Variants in SLC8A2 observed in about 807,000 individuals in gnomAD.
The protein encoded by SLC8A2 is solute carrier family 8 member A2.
SLC8A2 carries 14 observed loss-of-function variants against 70.2 expected under a neutral mutation model. The ratio of observed to expected loss-of-function variants is 0.20; its 90% CI spans 0.13 to 0.31. The LOEUF is 0.31. Ranked by LOEUF, SLC8A2 falls within the 10% of genes least tolerant of loss-of-function variation. SLC8A2 has a pLI of 1.00. For synonymous variants in SLC8A2, 575 were observed against 594.3 expected (o/e 0.97, Z 0.47); for missense variants, 779 against 1,320.1 (o/e 0.59, Z 6.35).
At chr19:47,446,878 G>A (rs1967169410) in intron 4 of SLC8A2, among the ~76,000 whole-genome samples, 1 of 151,906 alleles carries the variant, frequency 6.6e-6, no homozygotes, top group Non-Finnish European at 1.5e-5. Flanking sequence ...GCGTATAAAT[G>A]GCTTTGTGTC....
chr19:47,471,068 G>C (rs1406719864), intron 1 of SLC8A2, among the ~76,000 whole-genome samples: 2 of 151,760 alleles, frequency 1.3e-5, no homozygotes, highest in Non-Finnish European at 2.9e-5. Flanking sequence ...AGAGGAAAGA[G>C]AGAGAGAAAC....
At position 47,447,119 on chromosome 19, in the gene SLC8A2, C is replaced by T. The variant is rs1213541447; in HGVS notation, c.1763+690G>A. On this transcript the variant is annotated intron_variant, in intron 4 of 9. Transcript: ENST00000236877. This position sits in a 1 kb window ranked among gnomAD's most constrained non-coding sequence, Gnocchi z 5.1. ...GGTTCTTCCTCATACCCAGAAGCCCCACCCCTTCCCTAGCTCCGCGCGCCC... is the reference window on the plus strand; with the variant it reads ...GGTTCTTCCTCATACCCAGAAGCCCTACCCCTTCCCTAGCTCCGCGCGCCC... 1.3e-5 allele frequency among the ~76,000 whole-genome samples: 2 copies of T among 151,928 alleles called. No individual in the cohort carries two copies. The highest frequency in any genetic ancestry group is 3.9e-4 in the East Asian group (2 of 5,168).
chr19:47,458,616 C>T (rs1472683955), intron 2 of SLC8A2, among the ~76,000 whole-genome samples: 1 of 136,040 alleles, frequency 7.4e-6, no homozygotes, highest in Non-Finnish European at 1.6e-5. Context: ...CCATTTCTCT[C>T]TCTCCTTCCC....
chr19:47,469,176 G>A (rs190809342), intron 1 of SLC8A2, among the ~76,000 whole-genome samples: 4 of 151,812 alleles, frequency 2.6e-5, no homozygotes, highest in African/African-American at 9.7e-5. Context: ...GGGGGAGAGG[G>A]GTGATTCTTA....
intron 3 of SLC8A2, among the ~76,000 whole-genome samples, chr19:47,451,005 CTTTTTTTTTTT>C (rs71180844): frequency 1.6e-4 from 13 of 80,236 alleles, no homozygotes; most frequent in African/African-American, 4.3e-4. Flanking sequence ...GTAGCACTAT[CTTTTTTTTTTT>C]TTTTTTTTTT....
chr19:47,466,320 C>A lies in SLC8A2; in HGVS notation c.84G>T (p.Leu28=), dbSNP rs527973289. 1.4e-6 allele frequency: 2 copies of A among 1,480,642 alleles called. No individual in the cohort carries two copies. The highest frequency in any genetic ancestry group is 1.4e-5 in the African/African-American group (1 of 71,788). 91.7% of individuals were successfully genotyped at this position (1,480,642 alleles called of 1,614,324 possible). The change falls in exon 2 of 10, where the codon CTG becomes CTT. Residue 28 remains leucine (L), a synonymous_variant. Coordinates refer to ENST00000236877, the MANE Select transcript of SLC8A2 (RefSeq NM_015063.3). The surrounding 1 kb of genome is among the most constrained non-coding windows in gnomAD (Gnocchi z 6.9). ...CSGAATPTPS[L]PPPPANDSDT... ...CGCTGTCATTGGCCGGGGGAGGCGG[C>A]AGGGAGGGGGTTGGGGTGGCTGCCC...
chr19:47,431,552 GAC>G (rs1966960100), intron 9 of SLC8A2, among the ~76,000 whole-genome samples: 1 of 150,306 alleles, frequency 6.7e-6, no homozygotes, highest in Non-Finnish European at 1.5e-5. Flanking sequence ...AGGAGGCTGA[GAC>G]AGAAGAATCG....
intron 8 of SLC8A2, among the ~76,000 whole-genome samples, chr19:47,435,303 C>T (rs1035377729): frequency 1.3e-5 from 2 of 152,102 alleles, no homozygotes; most frequent in Admixed American, 6.6e-5. Context: ...ATTCTTCCTC[C>T]ACCCCGATCT....
intron 2 of SLC8A2, among the ~76,000 whole-genome samples, chr19:47,459,996 T>A (rs1271076280): frequency 6.6e-6 from 1 of 152,076 alleles, no homozygotes; most frequent in African/African-American, 2.4e-5. Flanking sequence ...TCTTCTGGCC[T>A]CTCTCTCCCT....
intron 1 of SLC8A2, among the ~76,000 whole-genome samples, chr19:47,470,727 TG>T (rs1225986765): frequency 2.6e-5 from 4 of 152,120 alleles, no homozygotes; most frequent in African/African-American, 9.7e-5. Flanking sequence ...CGAGGAAGAC[TG>T]GGGAGGTTAG....
At chr19:47,438,505 G>A (rs1177701961) in intron 6 of SLC8A2, among the ~76,000 whole-genome samples, 1 of 152,034 alleles carries the variant, frequency 6.6e-6, no homozygotes, top group Non-Finnish European at 1.5e-5. Flanking sequence ...GGAAAGGGGA[G>A]GACATCCGAT....
At chr19:47,439,754 T>C (rs1188697940) in intron 6 of SLC8A2, among the ~76,000 whole-genome samples, 1 of 151,658 alleles carries the variant, frequency 6.6e-6, no homozygotes, top group Non-Finnish European at 1.5e-5. Flanking sequence ...ACCTCCACTT[T>C]CCAGGATCAA....
chr19:47,451,005 C>CTTTTTT (rs71180844), intron 3 of SLC8A2, among the ~76,000 whole-genome samples: 1 of 80,216 alleles, frequency 1.2e-5, no homozygotes, highest in Non-Finnish European at 2.5e-5. Flanking sequence ...GTAGCACTAT[C>CTTTTTT]TTTTTTTTTT....
intron 4 of SLC8A2, among the ~76,000 whole-genome samples, chr19:47,443,636 C>G (rs1967125300): frequency 6.6e-6 from 1 of 152,240 alleles, no homozygotes; most frequent in Non-Finnish European, 1.5e-5. Flanking sequence ...ACATCGCCAC[C>G]CTGCAGCCCC....
intron 8 of SLC8A2, among the ~76,000 whole-genome samples, chr19:47,433,767 G>C (rs1012531423): frequency 6.6e-6 from 1 of 151,900 alleles, no homozygotes; most frequent in South Asian, 2.1e-4. Flanking sequence ...TCAGTCTACT[G>C]AGTAGCTGGA....
At chr19:47,438,437 A>G (rs1215276653) in intron 6 of SLC8A2, among the ~76,000 whole-genome samples, 2 of 152,052 alleles carry the variant, frequency 1.3e-5, no homozygotes, top group Admixed American at 6.6e-5. Flanking sequence ...CTGATAGGGG[A>G]GGCCTGGTCT....
chr19:47,432,312 G>C lies in SLC8A2; in HGVS notation c.2244C>G (p.Gly748=). The C allele has an allele frequency of 1.2e-6, 2 of 1,613,828 alleles. No homozygotes were observed. Among genetic ancestry groups the C allele is most frequent in the Non-Finnish European group, 1.7e-6 (2 of 1,180,028 alleles). ...GGATGGAGACACCAAAGCAGGCCCA[G>C]CCGTGGCAGTACTCGGTGGGGGGCA... ...ACVPPTEYCH[G]WACFGVSILV... Residue 748 remains glycine, a synonymous_variant, in exon 9 of 10, where the codon GGC becomes GGG. Coordinates refer to ENST00000236877, the MANE Select transcript of SLC8A2 (RefSeq NM_015063.3). This position sits in a 1 kb window ranked among gnomAD's most constrained non-coding sequence, Gnocchi z 6.2.
At position 47,430,068 on chromosome 19, in the gene SLC8A2, G is replaced by T. The variant is rs1317141042; in HGVS notation, c.*21C>A. 6 of 1,566,968 alleles carry T rather than the reference G, an allele frequency of 3.8e-6. No individual in the cohort carries two copies. Among genetic ancestry groups the T allele is most frequent in the Non-Finnish European group, 5.2e-6 (6 of 1,155,630 alleles). ...TCCCTAGCCCCGGGCGGGCGGTGGG[G>T]ACGAGTCTCTGCGCGAGGCCCTAGA... On this transcript the variant is annotated 3_prime_UTR_variant, in exon 10 of 10. Coordinates refer to ENST00000236877, the MANE Select transcript of SLC8A2 (RefSeq NM_015063.3). This position sits in a 1 kb window ranked among gnomAD's most constrained non-coding sequence, Gnocchi z 5.9.
At position 47,430,426 on chromosome 19, in the gene SLC8A2, C is replaced by T. The variant is rs780227672; in HGVS notation, c.2429G>A (p.Cys810Tyr). 2 of 1,608,016 alleles carry T rather than the reference C, an allele frequency of 1.2e-6. No homozygotes were observed. Among genetic ancestry groups the T allele is most frequent in the Admixed American group, 1.7e-5 (1 of 59,692 alleles). Residue 810 changes from cysteine to tyrosine, a missense_variant, in exon 10 of 10, where the codon TGC (cysteine) becomes TAC (tyrosine). Physicochemically the swap from Cys to Tyr is radical, Grantham distance 194. Coordinates refer to ENST00000236877, the MANE Select transcript of SLC8A2 (RefSeq NM_015063.3). The surrounding 1 kb of genome is among the most constrained non-coding windows in gnomAD (Gnocchi z 5.9). ...CACGTTGCCGATGGACGCGTCGGCG[C>T]ACTGGTCCTGCAGCGCCGCCACCTT... ...ASKVAALQDQ[C>Y]ADASIGNVTG... is the part of the protein sequence containing the mutation.
Sources: gnomAD v4.1 joint callset for allele counts (sites outside exome capture counted in the v4.1 genomes callset) on GRCh38, gnomAD v4.1.1 for gene constraint, Gnocchi (gnomAD v3.1) non-coding constraint, MANE v1.5 for transcripts, NCBI Gene and HGNC (gene_info 2026-07-23, HGNC 2026-07-21) for gene names.